The following TRHDE variants were observed in gnomAD, a reference collection of about 807,000 sequenced individuals.
TRHDE encodes the protein thyrotropin releasing hormone degrading enzyme.
A neutral mutation model predicts 125.7 loss-of-function variants in TRHDE; 72 were observed. The ratio of observed to expected loss-of-function variants is 0.57; its 90% CI spans 0.47 to 0.70. TRHDE has a LOEUF of 0.70. Among genes scored for constraint, TRHDE ranks in the 30% least tolerant of loss-of-function variants. The pLI is 0.00. For missense variants in TRHDE, 1,110 were observed against 1,327.1 expected (o/e 0.84, Z 2.54); for synonymous variants, 509 against 509.1 (o/e 1.00, Z 0.00).
At chr12:72,571,735 G>T (rs1264633224) in intron 10 of TRHDE, among the ~76,000 whole-genome samples, 1 of 152,028 alleles carries the variant, frequency 6.6e-6, no homozygotes, top group African/African-American at 2.4e-5. Flanking sequence ...AAATAGAAGA[G>T]AAATTGATCC....
chr12:72,663,060 C>A lies in TRHDE; in HGVS notation c.3075C>A (p.Asn1025Lys). The A allele has an allele frequency of 6.2e-7, 1 of 1,609,072 alleles. No individual in the cohort carries two copies. The highest frequency in any genetic ancestry group is 8.5e-7 in the Non-Finnish European group (1 of 1,177,864). The part of the protein sequence containing the change: ...NTEGELKELK[N>K]FMKNYDGVAA... ...AAAATTTCTCTTTCCAGCTCAAGAA[C>A]TTCATGAAAAACTATGATGGGGTAG... is the stretch of plus-strand genomic sequence containing the variant. The change falls in exon 19 of 19, where the codon AAC becomes AAA. Residue 1025 changes from asparagine (N) to lysine (K), a missense_variant. By Grantham distance (94) the Asn-to-Lys change is moderately conservative. Around this residue, in one of 5 missense-constraint regions of TRHDE, gnomAD observed 527 missense variants for 651.8 expected, o/e 0.81. Transcript: ENST00000261180.
At chr12:72,467,491 A>G (rs1017704875) in intron 3 of TRHDE, among the ~76,000 whole-genome samples, 2 of 151,982 alleles carry the variant, frequency 1.3e-5, no homozygotes, top group East Asian at 1.9e-4. Flanking sequence ...ATGGGGTCAT[A>G]TTTGACTTAT....
chr12:72,243,343 C>T (rs112072445), intron 2 of TRHDE, among the ~76,000 whole-genome samples: 6,576 of 152,142 alleles, frequency 0.043, 376 homozygotes, highest in African/African-American at 0.13. Flanking sequence ...CAGAGAGTTC[C>T]TTCTATTGTC....
chr12:72,314,014 G>T (rs1478049160), intron 2 of TRHDE, among the ~76,000 whole-genome samples: 1 of 152,148 alleles, frequency 6.6e-6, no homozygotes, highest in East Asian at 1.9e-4. Flanking sequence ...ATATGTAAAT[G>T]AAGCTCATGC....
chr12:72,475,545 C>G (rs1020593419), intron 5 of TRHDE, among the ~76,000 whole-genome samples: 4 of 152,118 alleles, frequency 2.6e-5, no homozygotes, highest in Non-Finnish European at 5.9e-5. Context: ...CAAATTTTGT[C>G]TTTGAATGAC....
chr12:72,629,298 AGTATCTTAATTTT>A (rs564867106), intron 15 of TRHDE, among the ~76,000 whole-genome samples: 1 of 151,934 alleles, frequency 6.6e-6, no homozygotes, highest in African/African-American at 2.4e-5. Context: ...ATTTTTTCAA[AGTATCTTAATTTT>A]TACATAAGTA....
At chr12:72,582,206 T>C (rs767706251) in intron 12 of TRHDE, 3 of 970,228 alleles carry the variant, frequency 3.1e-6, no homozygotes, top group Non-Finnish European at 3.7e-6. Flanking sequence ...AATAATACGC[T>C]TTTATTTACT....
At chr12:72,629,828 T>G (rs1191830236) in intron 15 of TRHDE, among the ~76,000 whole-genome samples, 2 of 151,556 alleles carry the variant, frequency 1.3e-5, no homozygotes, top group African/African-American at 4.8e-5. Flanking sequence ...TCAACAACAC[T>G]AATATTTCCT....
intron 15 of TRHDE, among the ~76,000 whole-genome samples, chr12:72,623,429 C>T (rs941774551): frequency 2.0e-5 from 3 of 151,960 alleles, no homozygotes; most frequent in African/African-American, 7.2e-5. Flanking sequence ...AGAAAGCATT[C>T]AAGCCTAATA....
intron 6 of TRHDE, among the ~76,000 whole-genome samples, chr12:72,529,741 A>C (rs769380922): frequency 1.3e-5 from 2 of 152,106 alleles, no homozygotes; most frequent in African/African-American, 2.4e-5. Context: ...AGGTACATGC[A>C]TCCGCATTTC....
chr12:72,101,205 AGT>A (rs551025512), intron 1 of TRHDE, among the ~76,000 whole-genome samples: 59 of 152,356 alleles, frequency 3.9e-4, no homozygotes, highest in Non-Finnish European at 7.1e-4. Flanking sequence ...TGAAGTTCGA[AGT>A]GCATGATTAC....
intron 3 of TRHDE, among the ~76,000 whole-genome samples, chr12:72,414,770 C>G (rs1383990179): frequency 1.3e-5 from 2 of 152,146 alleles, no homozygotes; most frequent in African/African-American, 4.8e-5. Context: ...AGAGTGAGGA[C>G]AGGGAGAACA....
At chr12:72,174,913 T>C (rs905806314) in intron 2 of TRHDE, among the ~76,000 whole-genome samples, 2 of 152,244 alleles carry the variant, frequency 1.3e-5, no homozygotes, top group African/African-American at 4.8e-5. Context: ...AAAGTAAATA[T>C]CTTGTTTTAA....
intron 15 of TRHDE, among the ~76,000 whole-genome samples, chr12:72,642,883 T>C (rs1874122645): frequency 6.6e-6 from 1 of 152,224 alleles, no homozygotes; most frequent in Middle Eastern, 3.2e-3. Context: ...CATTTTCATT[T>C]GTTTCTAATG....
chr12:72,557,411 A>G (rs1742866387), intron 7 of TRHDE, among the ~76,000 whole-genome samples: 1 of 152,164 alleles, frequency 6.6e-6, no homozygotes. Context: ...AAATACTCCT[A>G]TTTTAAAAGT....
At chr12:72,274,994 CA>C (rs1462129645) in intron 1 of TRHDE, 3 of 152,206 alleles carry the variant, frequency 2.0e-5, no homozygotes, top group Admixed American at 6.5e-5. Context: ...GATGAACAAC[CA>C]AAGTGAGCTT....
chr12:72,571,091 A>T (rs961232565), intron 10 of TRHDE, among the ~76,000 whole-genome samples: 5 of 151,852 alleles, frequency 3.3e-5, no homozygotes, highest in Admixed American at 1.3e-4. Context: ...ATTGTATTAA[A>T]TTTTTTTTAT....
chr12:72,125,471 C>T (rs1369926340), intron 2 of TRHDE, among the ~76,000 whole-genome samples: 1 of 152,120 alleles, frequency 6.6e-6, no homozygotes. Flanking sequence ...CATCACCAGG[C>T]AAGAACTTCA....
At chr12:72,269,683 A>G (rs1879150762), upstream of TRHDE, among the ~76,000 whole-genome samples, 2 of 152,168 alleles carry the variant, frequency 1.3e-5, no homozygotes, top group African/African-American at 4.8e-5. Flanking sequence ...CTGGCTGTTC[A>G]CTGTTTGAGA....
Sources: gnomAD v4.1 joint callset for allele counts (sites outside exome capture counted in the v4.1 genomes callset) on GRCh38, gnomAD v4.1.1 for gene constraint, gnomAD v4.1.1 regional missense constraint, MANE v1.5 for transcripts, NCBI Gene and HGNC (gene_info 2026-07-23, HGNC 2026-07-21) for gene names.